BRWD1: variants seen among roughly 807,000 people sequenced by gnomAD.
BRWD1 encodes bromodomain and WD repeat domain containing 1, also known as bromodomain and WD repeat-containing protein 1.
In BRWD1, 82 loss-of-function variants were observed where a neutral mutation model predicts 251.2. The observed-to-expected ratio is 0.33, with a 90% CI of 0.27 to 0.39. The LOEUF is 0.39. BRWD1 is among the 10% of genes least tolerant of loss of function. The pLI, the probability that BRWD1 is intolerant of heterozygous loss-of-function variation, is 1.00. For synonymous variants in BRWD1, 918 were observed against 902.8 expected (o/e 1.02, Z -0.30); for missense variants, 2,233 against 2,711.6 (o/e 0.82, Z 3.92).
chr21:39,217,073 A>ATT (rs2032968859), intron 31 of BRWD1: 1 of 8,472 alleles, frequency 1.2e-4, no homozygotes, highest in Non-Finnish European at 2.2e-4. Flanking sequence ...ATATATATAT[A>ATT]TATATATATA....
chr21:39,198,837 G>T lies in BRWD1; in HGVS notation c.5579C>A (p.Ser1860Tyr). The change falls in exon 40 of 41, where the codon TCC (serine) becomes TAC (tyrosine). Residue 1860 changes from serine to tyrosine, a missense_variant. Ser to Tyr is a moderately radical substitution (Grantham distance 144). Around this residue, in one of 12 missense-constraint regions of BRWD1, gnomAD observed 928 missense variants for 970.0 expected, o/e 0.96. Transcript: ENST00000342449. ...ATCAGTTTCACATCCATGATCTGAG[G>T]AACACTGGGACATAGCAATAGGGTC... Reference protein sequence around the residue: ...NCDPIAMSQCSSDHGCETDLD... With the variant: ...NCDPIAMSQCYSDHGCETDLD... The T allele has an allele frequency of 6.2e-7, 1 of 1,613,432 alleles. No individual in the cohort carries two copies. The highest frequency in any genetic ancestry group is 8.5e-7 in the Non-Finnish European group (1 of 1,179,736).
Position 39,188,690 on chromosome 21 carries a change from A to C in BRWD1, c.*7569T>G. 1.0e-6 allele frequency: 1 copy of C among 985,414 alleles called. No homozygotes were observed. Among genetic ancestry groups the C allele is most frequent in the South Asian group, 4.7e-5 (1 of 21,282 alleles). 61.0% of individuals were successfully genotyped at this position (985,414 alleles called of 1,614,324 possible). ...GTGCAAGCACTTCAGATTTTTCCCT[A>C]AGTCTATGAAACTGATTTCACACTT... On this transcript the variant is annotated 3_prime_UTR_variant, in exon 41 of 41. Transcript: ENST00000342449.
chr21:39,207,314 AG>A (rs1159345330), intron 36 of BRWD1, among the ~76,000 whole-genome samples: 1 of 152,044 alleles, frequency 6.6e-6, no homozygotes, highest in Non-Finnish European at 1.5e-5. Flanking sequence ...GCAAGCCTGT[AG>A]TCCCAGCTAC....
intron 39 of BRWD1, among the ~76,000 whole-genome samples, chr21:39,199,874 C>G (rs1374903129): frequency 6.6e-6 from 1 of 152,158 alleles, no homozygotes; most frequent in Non-Finnish European, 1.5e-5. Context: ...CCTCAGCCTC[C>G]TGAGTAGCTG....
chr21:39,319,519 G>T (rs1271075773), intron 1 of BRWD1, among the ~76,000 whole-genome samples: 1 of 152,182 alleles, frequency 6.6e-6, no homozygotes, highest in Admixed American at 6.5e-5. Flanking sequence ...GCAACCTCTT[G>T]GCTCGGATAT....
At chr21:39,255,860 T>A (rs754527731) in intron 18 of BRWD1, 32 bp from the exon 19 acceptor site, 29 of 1,591,372 alleles carry the variant, frequency 1.8e-5, no homozygotes, top group Non-Finnish European at 2.3e-5. Flanking sequence ...GTGATTCCAA[T>A]ACACTTTTAA....
chr21:39,214,617 C>G (rs992424896), intron 32 of BRWD1, among the ~76,000 whole-genome samples: 4 of 151,742 alleles, frequency 2.6e-5, no homozygotes, highest in Non-Finnish European at 5.9e-5. Flanking sequence ...CTGTCAATAG[C>G]ATGGTACCAA....
At chr21:39,315,372 G>T (rs1225686308), upstream of BRWD1, among the ~76,000 whole-genome samples, 1 of 152,026 alleles carries the variant, frequency 6.6e-6, no homozygotes, top group East Asian at 1.9e-4. Context: ...GGTGGCTCAC[G>T]CCTGTAGTCC....
intron 23 of BRWD1, among the ~76,000 whole-genome samples, chr21:39,236,285 G>A (rs1195463240): frequency 2.0e-5 from 3 of 152,042 alleles, no homozygotes; most frequent in African/African-American, 7.2e-5. Context: ...CCAAAGGACT[G>A]ACAGATGCTC....
At chr21:39,265,244 T>C (rs1005462572) in intron 15 of BRWD1, among the ~76,000 whole-genome samples, 33 of 151,750 alleles carry the variant, frequency 2.2e-4, no homozygotes, top group African/African-American at 8.0e-4. Flanking sequence ...GGCAACATGG[T>C]GAAACCCTGT....
intron 12 of BRWD1, among the ~76,000 whole-genome samples, chr21:39,275,565 TTA>T (rs1014395588): frequency 2.3e-4 from 35 of 152,182 alleles, no homozygotes; most frequent in African/African-American, 7.5e-4. Flanking sequence ...TAATTATATA[TTA>T]TTTCAAAATT....
chr21:39,290,881 C>T (rs2035788560), intron 8 of BRWD1, among the ~76,000 whole-genome samples: 1 of 152,054 alleles, frequency 6.6e-6, no homozygotes, highest in Non-Finnish European at 1.5e-5. Flanking sequence ...CTTATAATTC[C>T]AGCACTTTGG....
intron 21 of BRWD1, among the ~76,000 whole-genome samples, chr21:39,244,000 T>G (rs2034092477): frequency 2.6e-5 from 4 of 152,106 alleles, no homozygotes; most frequent in Non-Finnish European, 5.9e-5. Flanking sequence ...TTTTTTAAGT[T>G]TAATTTCCCC....
At chr21:39,274,934 G>A (rs1040498643) in intron 12 of BRWD1, among the ~76,000 whole-genome samples, 1 of 152,142 alleles carries the variant, frequency 6.6e-6, no homozygotes, top group Non-Finnish European at 1.5e-5. Flanking sequence ...CAGCTACTCA[G>A]GAGGCTAAGA....
intron 19 of BRWD1, 98 bp from the exon 20 acceptor site, chr21:39,250,987 T>A: frequency 1.4e-6 from 1 of 696,942 alleles, no homozygotes; most frequent in Non-Finnish European, 2.3e-6. Context: ...AATCATAAGT[T>A]TATGTACTTT....
chr21:39,296,558 G>T, intron 5 of BRWD1, 195 bp from the exon 6 acceptor site: 4 of 1,223,296 alleles, frequency 3.3e-6, no homozygotes, highest in Non-Finnish European at 4.1e-6. Flanking sequence ...AGATACAGCA[G>T]CAACAACAAC....
rs58179212 is a variant in BRWD1 at position 39,238,285 on chromosome 21, C to CAAA, written c.2576+191_2576+193dup. On this transcript the variant is annotated intron_variant, in intron 22 of 40. Transcript: ENST00000342449. Reference sequence around the variant, plus strand: ...CAGTGCTGGGTCAACTGCTTAAAGTCAAAAAAAAAAAAAAAAAAACTCCTG... The same window carrying CAAA: ...CAGTGCTGGGTCAACTGCTTAAAGTCAAAAAAAAAAAAAAAAAAAAAACTCCTG... Among the ~76,000 whole-genome samples the CAAA allele has an allele frequency of 5.1e-4, 63 of 122,348 alleles. 1 individual carries two copies. Among genetic ancestry groups the CAAA allele is most frequent in the African/African-American group, 1.7e-3 (55 of 32,830 alleles). The allele number at this position is 122,348 out of a possible 152,430, so 80.3% of individuals were successfully genotyped here.
intron 23 of BRWD1, 144 bp downstream of exon 23, chr21:39,236,451 C>G: frequency 1.4e-6 from 1 of 718,892 alleles, no homozygotes; most frequent in Admixed American, 3.0e-5. Flanking sequence ...GCTGACAGCT[C>G]GCCCAGACCA....
intron 19 of BRWD1, among the ~76,000 whole-genome samples, chr21:39,253,422 T>A (rs1023947968): frequency 1.3e-5 from 2 of 152,002 alleles, no homozygotes; most frequent in African/African-American, 4.8e-5. Context: ...TTCCTTCGGA[T>A]AAGAAAATAA....
Sources: gnomAD v4.1 joint callset for allele counts (sites outside exome capture counted in the v4.1 genomes callset) on GRCh38, gnomAD v4.1.1 for gene constraint, gnomAD v4.1.1 regional missense constraint, MANE v1.5 for transcripts, NCBI Gene and HGNC (gene_info 2026-07-23, HGNC 2026-07-21) for gene names.